ZNF91: variants seen among roughly 807,000 people sequenced by gnomAD.
ZNF91 encodes the protein zinc finger protein 91, also known as zinc finger protein 91 (HPF7, HTF10).
In ZNF91, 7 loss-of-function variants were observed where a neutral mutation model predicts 12.6. That is an observed-to-expected ratio of 0.55 (90% CI 0.31 to 1.04). The LOEUF is 1.04. Among genes scored for constraint, ZNF91 ranks in the 50% least tolerant of loss-of-function variants. The probability of loss-of-function intolerance (pLI) is 0.05; values close to 1 mark genes in which losing one functional copy is unlikely to be tolerated. For synonymous variants in ZNF91, 453 were observed against 462.6 expected (o/e 0.98, Z 0.27); for missense variants, 1,217 against 1,385.4 (o/e 0.88, Z 1.93).
Position 23,359,627 on chromosome 19 carries a change from A to T in ZNF91, c.3352T>A (p.Ser1118Thr). Reference protein sequence around the residue: ...CGECGKAFKESSALTKHKIIH... With the variant: ...CGECGKAFKETSALTKHKIIH... ...ATCTTATGTTTAGTAAGAGCTGAGG[A>T]CTCTTTAAAGGCTTTGCCACATTCT... The change falls in exon 4 of 4, where the codon TCC becomes ACC. Residue 1118 changes from serine (S) to threonine (T), a missense_variant. Transcript: ENST00000300619. The T allele has an allele frequency of 1.2e-6, 2 of 1,613,460 alleles. No individual in the cohort carries two copies. The highest frequency in any genetic ancestry group is 1.7e-6 in the Non-Finnish European group (2 of 1,179,810).
intron 1 of ZNF91, among the ~76,000 whole-genome samples, chr19:23,319,430 T>C (rs1401729242): frequency 6.6e-6 from 1 of 152,208 alleles, no homozygotes; most frequent in Non-Finnish European, 1.5e-5. Flanking sequence ...TTATAACATA[T>C]CTTTTGGCCC....
downstream of ZNF91, among the ~76,000 whole-genome samples, chr19:23,356,265 A>G (rs1303562486): frequency 6.6e-6 from 1 of 152,194 alleles, no homozygotes; most frequent in Non-Finnish European, 1.5e-5. Context: ...CGTGGAACCA[A>G]CTGAAATGCC....
chr19:23,346,506 T>C (rs1422639841), intron 3 of ZNF91, among the ~76,000 whole-genome samples: 9 of 152,118 alleles, frequency 5.9e-5, no homozygotes, highest in African/African-American at 2.2e-4. Flanking sequence ...CCCAAGGTCA[T>C]AACAAAAACC....
At chr19:23,393,239 T>C (rs1416119010) in intron 1 of ZNF91, among the ~76,000 whole-genome samples, 1 of 151,968 alleles carries the variant, frequency 6.6e-6, no homozygotes, top group Non-Finnish European at 1.5e-5. Flanking sequence ...GAAAGCTGAA[T>C]TGGGTGAAGG....
At position 23,362,437 on chromosome 19, in the gene ZNF91, C is replaced by T; in HGVS notation, c.542G>A (p.Cys181Tyr). The part of the protein sequence containing the change: ...RHTIRHTGKK[C>Y]FKCKKCVKSF... ...CTTGACACATTTTTTACATTTGAAG[C>T]ATTTCTTTCCAGTATGTCTTATCGT... Residue 181 changes from cysteine (C) to tyrosine (Y), a missense_variant, in exon 4 of 4, where the codon TGC becomes TAC. Physicochemically the swap from Cys to Tyr is radical, Grantham distance 194. Coordinates refer to ENST00000300619, the MANE Select transcript of ZNF91 (RefSeq NM_003430.4). 6.2e-7 allele frequency: 1 copy of T among 1,613,792 alleles called. No individual in the cohort carries two copies. Among genetic ancestry groups the T allele is most frequent in the Non-Finnish European group, 8.5e-7 (1 of 1,179,916 alleles).
Position 23,359,763 on chromosome 19 carries a change from A to G in ZNF91, c.3216T>C (p.His1072=), listed in dbSNP as rs753928587. ...CACATTTGTAGGGTTTCTCTCTAGT[A>G]TGAATTCTCTTATGTCCATTTAGGG... ...SSTLNGHKRI[H]TREKPYKCEE... Residue 1072 remains histidine, a synonymous_variant, in exon 4 of 4, where the codon CAT becomes CAC. Transcript: ENST00000300619. 1 of 1,613,542 alleles carries G rather than the reference A, an allele frequency of 6.2e-7. No individual in the cohort carries two copies. Among genetic ancestry groups the G allele is most frequent in the Non-Finnish European group, 8.5e-7 (1 of 1,179,942 alleles).
intron 3 of ZNF91, among the ~76,000 whole-genome samples, chr19:23,350,645 G>A (rs755691774): frequency 6.6e-6 from 1 of 152,100 alleles, no homozygotes; most frequent in Non-Finnish European, 1.5e-5. Flanking sequence ...ACGCTTAAGG[G>A]AATGAATAAC....
intron 1 of ZNF91, among the ~76,000 whole-genome samples, chr19:23,382,187 C>A (rs1484505976): frequency 6.6e-6 from 1 of 151,834 alleles, no homozygotes; most frequent in Non-Finnish European, 1.5e-5. Context: ...TATTTTCTTA[C>A]TTTTATGTAG....
At chr19:23,384,012 A>C (rs1969798012) in intron 1 of ZNF91, among the ~76,000 whole-genome samples, 1 of 152,184 alleles carries the variant, frequency 6.6e-6, no homozygotes, top group African/African-American at 2.4e-5. Context: ...CACGAGGCTG[A>C]GACAGGATAA....
intron 1 of ZNF91, among the ~76,000 whole-genome samples, chr19:23,323,643 TTC>T (rs1967764002): frequency 7.2e-6 from 1 of 138,856 alleles, no homozygotes; most frequent in African/African-American, 2.9e-5. Flanking sequence ...CCTCCTTCTC[TTC>T]TCCTCTCCTC....
intron 1 of ZNF91, among the ~76,000 whole-genome samples, chr19:23,323,479 CG>C (rs1205740445): frequency 1.6e-5 from 2 of 125,586 alleles, no homozygotes; most frequent in Non-Finnish European, 3.3e-5. Context: ...TCTTCTCCTC[CG>C]TCTTCTTCCT....
At position 23,366,421 on chromosome 19, in the gene ZNF91, T is replaced by C. The variant is rs1969018215; in HGVS notation, c.254-3696A>G. 2.0e-5 allele frequency among the ~76,000 whole-genome samples: 3 copies of C among 152,208 alleles called. No homozygotes were observed. The South Asian group carries it at 6.2e-4, about 31-fold the overall frequency. On this transcript the variant is annotated intron_variant, in intron 3 of 3. Transcript: ENST00000300619. ...AATCCCATTTTCGATAAATAGAAGA[T>C]TCATATAAAAATGAATAAGAAAACA...
intron 1 of ZNF91, among the ~76,000 whole-genome samples, chr19:23,322,199 A>AT (rs1483742613): frequency 2.0e-5 from 3 of 152,178 alleles, no homozygotes; most frequent in Non-Finnish European, 2.9e-5. Context: ...CTACCCACAG[A>AT]AGGCATTGTG....
chr19:23,306,608 C>T (rs1199156193), intron 3 of ZNF91, among the ~76,000 whole-genome samples: 1 of 152,188 alleles, frequency 6.6e-6, no homozygotes, highest in Non-Finnish European at 1.5e-5. Context: ...TGACATGTTG[C>T]TTGGTCTAAC....
intron 3 of ZNF91, among the ~76,000 whole-genome samples, chr19:23,369,399 C>T (rs1184568952): frequency 2.0e-5 from 3 of 151,732 alleles, no homozygotes; most frequent in Non-Finnish European, 4.4e-5. Context: ...GGGTGCGCCT[C>T]CGCCCGGCCG....
At chr19:23,309,334 G>A (rs145425983) in intron 1 of ZNF91, among the ~76,000 whole-genome samples, 2 of 152,250 alleles carry the variant, frequency 1.3e-5, no homozygotes, top group East Asian at 3.9e-4. Flanking sequence ...CGTTCATGCT[G>A]CTTATAGAAA....
At chr19:23,317,419 G>A (rs894574049) in intron 1 of ZNF91, among the ~76,000 whole-genome samples, 16 of 152,116 alleles carry the variant, frequency 1.1e-4, no homozygotes, top group African/African-American at 3.9e-4. Flanking sequence ...CAATTGGAGA[G>A]AAGTTGACCC....
intron 3 of ZNF91, among the ~76,000 whole-genome samples, chr19:23,351,415 T>C (rs147230184): frequency 5.3e-4 from 80 of 152,178 alleles, no homozygotes; most frequent in African/African-American, 1.9e-3. Context: ...ATTTGTGATA[T>C]GTAAGAAGGC....
chr19:23,393,860 C>G (rs1247066470), intron 1 of ZNF91, among the ~76,000 whole-genome samples: 1 of 151,976 alleles, frequency 6.6e-6, no homozygotes, highest in Non-Finnish European at 1.5e-5. Flanking sequence ...ATTAGCCAGA[C>G]GTGGTCGTGG....
Sources: gnomAD v4.1 joint callset for allele counts (sites outside exome capture counted in the v4.1 genomes callset) on GRCh38, gnomAD v4.1.1 for gene constraint, MANE v1.5 for transcripts, NCBI Gene and HGNC (gene_info 2026-07-23, HGNC 2026-07-21) for gene names.